Variants in ATP10A observed in about 807,000 individuals in gnomAD.
ATP10A encodes the protein phospholipid-transporting ATPase VA.
Under a neutral mutation model 147.8 loss-of-function variants are expected in ATP10A, and 111 were observed. The ratio of observed to expected loss-of-function variants is 0.75; its 90% CI spans 0.64 to 0.88. The LOEUF (loss-of-function observed/expected upper bound fraction) is 0.88. ATP10A is among the 40% of genes least tolerant of loss of function. ATP10A has a pLI of 0.00. For missense variants in ATP10A, 1,927 were observed against 1,959.0 expected (o/e 0.98, Z 0.31); for synonymous variants, 875 against 841.6 (o/e 1.04, Z -0.69).
intron 5 of ATP10A, among the ~76,000 whole-genome samples, chr15:25,725,577 A>G (rs1902492388): frequency 1.3e-5 from 2 of 151,548 alleles, no homozygotes; most frequent in Non-Finnish European, 2.9e-5. Flanking sequence ...TTTGAGTGCT[A>G]GGTTTGCATG....
intron 2 of ATP10A, among the ~76,000 whole-genome samples, chr15:25,777,183 C>T (rs1402528166): frequency 6.6e-6 from 1 of 151,234 alleles, no homozygotes; most frequent in Non-Finnish European, 1.5e-5. Context: ...ACACTTTCCC[C>T]ATCTCTCAGT....
intron 12 of ATP10A, among the ~76,000 whole-genome samples, chr15:25,705,506 T>C (rs1440592158): frequency 7.1e-6 from 1 of 139,918 alleles, no homozygotes; most frequent in African/African-American, 2.7e-5. Flanking sequence ...GGCTTTGGAA[T>C]AGTAAAAATA....
chr15:25,690,239 TTAAA>T (rs1899949188), intron 15 of ATP10A, among the ~76,000 whole-genome samples: 2 of 142,430 alleles, frequency 1.4e-5, no homozygotes. Flanking sequence ...TTCCTTTTTT[TTAAA>T]AAAAAAAAAA....
chr15:25,789,604 G>T (rs1890321051), intron 1 of ATP10A, among the ~76,000 whole-genome samples: 1 of 144,128 alleles, frequency 6.9e-6, no homozygotes, highest in South Asian at 2.3e-4. Context: ...CAGAGACAGA[G>T]AGAAAATAAT....
chr15:25,791,918 C>G (rs1297685788), intron 1 of ATP10A, among the ~76,000 whole-genome samples: 47 of 152,178 alleles, frequency 3.1e-4, no homozygotes, highest in Admixed American at 3.1e-3. Flanking sequence ...CTGGCTAAGA[C>G]AGTCACCTAT....
chr15:25,734,857 C>T (rs72703791), intron 3 of ATP10A, among the ~76,000 whole-genome samples: 6,282 of 152,270 alleles, frequency 0.041, 176 homozygotes, highest in Non-Finnish European at 0.06. Context: ...CCAGCCCTAC[C>T]GCCTGCCACT....
In ATP10A at chr15:25,683,382, T is replaced by G; in HGVS notation, c.3396A>C (p.Ser1132=). ...YLIFFNLLFS[S]LPPLVTGVLD... is the part of the protein sequence containing the mutation. ...GCACCCCAGTCACGAGCGGGGGAAGTGACGAGAAGAGCAGATTAAAGAAGA... is the reference window on the plus strand; with the variant it reads ...GCACCCCAGTCACGAGCGGGGGAAGGGACGAGAAGAGCAGATTAAAGAAGA... Residue 1132 remains serine (S), a synonymous_variant, in exon 17 of 21, where the codon TCA becomes TCC. Coordinates refer to ENST00000555815, the MANE Select transcript of ATP10A (RefSeq NM_024490.4). The G allele has an allele frequency of 1.2e-6, 2 of 1,613,894 alleles. No individual in the cohort carries two copies. The highest frequency in any genetic ancestry group is 1.7e-6 in the Non-Finnish European group (2 of 1,179,988).
At chr15:25,814,040 T>A (rs552069777) in intron 1 of ATP10A, among the ~76,000 whole-genome samples, 14 of 151,922 alleles carry the variant, frequency 9.2e-5, no homozygotes, top group Admixed American at 5.9e-4. Flanking sequence ...AAACACTCAG[T>A]AAACCCCAAG....
chr15:25,732,267 G>A (rs921928673), intron 3 of ATP10A, among the ~76,000 whole-genome samples: 2 of 151,940 alleles, frequency 1.3e-5, no homozygotes, highest in African/African-American at 4.8e-5. Context: ...ACTGGGTCTT[G>A]CTCTGTCTCC....
Position 25,680,072 on chromosome 15 carries a change from G to C in ATP10A, c.3866+49C>G, listed in dbSNP as rs371891038. The C allele has an allele frequency of 6.3e-6, 10 of 1,597,536 alleles. No homozygotes were observed. In the East Asian group the frequency reaches 2.2e-4, roughly 36 times the overall value. On this transcript the variant is annotated intron_variant, in intron 20 of 20. Transcript: ENST00000555815. Reference sequence around the variant, plus strand: ...ATAGAGCAGAAGCAATGCCAATGTCGTCTGGGCTCACTCGGGGCTCAGAGG... The same window carrying C: ...ATAGAGCAGAAGCAATGCCAATGTCCTCTGGGCTCACTCGGGGCTCAGAGG...
At chr15:25,812,193 T>A (rs952021277) in intron 1 of ATP10A, among the ~76,000 whole-genome samples, 1 of 152,212 alleles carries the variant, frequency 6.6e-6, no homozygotes, top group Non-Finnish European at 1.5e-5. Flanking sequence ...GCTAACAGTT[T>A]CCTTAGTTTC....
chr15:25,698,317 C>T (rs1900464636), intron 13 of ATP10A, among the ~76,000 whole-genome samples: 2 of 152,126 alleles, frequency 1.3e-5, no homozygotes, highest in Non-Finnish European at 2.9e-5. Flanking sequence ...TTTGAAAACT[C>T]TCTGGATGGG....
Position 25,714,122 on chromosome 15 carries a change from C to G in ATP10A, c.1896G>C (p.Lys632Asn). The change falls in exon 10 of 21, where the codon AAG becomes AAC. Residue 632 changes from lysine (K) to asparagine (N), a missense_variant. Transcript: ENST00000555815. ...AGCTGGAGCCCAACTTGTGGCTGGA[C>G]TTGTTGGCGGCCAGGCTCCCGATGC... ...CSSIGSLAAN[K>N]SSHKLGSSFP... 6.2e-7 allele frequency: 1 copy of G among 1,612,936 alleles called. No individual in the cohort carries two copies. Among genetic ancestry groups the G allele is most frequent in the Non-Finnish European group, 8.5e-7 (1 of 1,180,042 alleles).
intron 1 of ATP10A, among the ~76,000 whole-genome samples, chr15:25,810,943 C>T (rs890556220): frequency 1.3e-5 from 2 of 152,154 alleles, no homozygotes; most frequent in Admixed American, 6.5e-5. Flanking sequence ...ACGGTCTGAT[C>T]TGAGAGTCAG....
At chr15:25,826,859 G>A (rs760644601) in intron 1 of ATP10A, among the ~76,000 whole-genome samples, 9 of 152,112 alleles carry the variant, frequency 5.9e-5, no homozygotes, top group Non-Finnish European at 1.0e-4. Context: ...CAAACTTGAT[G>A]AAAATCATCT....
chr15:25,810,268 C>T (rs1891370400), intron 1 of ATP10A, among the ~76,000 whole-genome samples: 1 of 152,186 alleles, frequency 6.6e-6, no homozygotes, highest in Non-Finnish European at 1.5e-5. Flanking sequence ...GGCTTAAGAT[C>T]CCCTAACGTT....
At chr15:25,787,015 C>T (rs1890203106) in intron 1 of ATP10A, among the ~76,000 whole-genome samples, 1 of 151,970 alleles carries the variant, frequency 6.6e-6, no homozygotes. Context: ...CAGGCCTGCA[C>T]AGAACATTTC....
rs1047951360 is a variant in ATP10A, at chr15:25,807,878, T to C, written c.450-26655A>G. On this transcript the variant is annotated intron_variant, in intron 1 of 20. Coordinates refer to ENST00000555815, the MANE Select transcript of ATP10A (RefSeq NM_024490.4). ...CAACCGGGGCTCTGAAATAACTTCC[T>C]TATGAATTCTGCAGCTGTTTTGTAG... is the stretch of plus-strand genomic sequence containing the variant. 3.3e-5 allele frequency among the ~76,000 whole-genome samples: 5 copies of C among 151,996 alleles called. No individual in the cohort carries two copies. In the East Asian group the frequency reaches 9.6e-4, roughly 29 times the overall value.
downstream of ATP10A, chr15:25,678,053 G>T (rs181134649): frequency 6.6e-6 from 1 of 152,288 alleles, no homozygotes; most frequent in African/African-American, 2.4e-5. Flanking sequence ...CCTGAAAGCT[G>T]GGAGAAAAGC....
Sources: allele counts gnomAD v4.1 joint callset (sites outside exome capture counted in the v4.1 genomes callset), GRCh38; gene constraint gnomAD v4.1.1; transcripts MANE v1.5; gene names NCBI Gene and HGNC (gene_info 2026-07-23, HGNC 2026-07-21).